Variants in ANXA8 observed in about 807,000 individuals in gnomAD.
The protein encoded by ANXA8 is VAC-beta.
In ANXA8, 9 loss-of-function variants were observed where a neutral mutation model predicts 26.8. The observed-to-expected ratio is 0.34, with a 90% confidence interval of 0.20 to 0.59. The LOEUF (loss-of-function observed/expected upper bound fraction) is 0.59, where lower values mean the gene tolerates loss of function less well. Ranked by LOEUF, ANXA8 falls within the 20% of genes least tolerant of loss-of-function variation. ANXA8 has a pLI of 0.84. For synonymous variants in ANXA8, 39 were observed against 94.8 expected (o/e 0.41, Z 3.42); for missense variants, 83 against 238.5 (o/e 0.35, Z 4.29).
chr10:47,561,974 T>G, the ANXA8 span, among the ~76,000 whole-genome samples: 1 of 151,372 alleles, frequency 6.6e-6, no homozygotes, highest in Non-Finnish European at 1.5e-5. Context: ...GAGTCAGCTA[T>G]ACAGATATCT....
the ANXA8 span, among the ~76,000 whole-genome samples, chr10:47,626,316 T>C: frequency 6.6e-6 from 1 of 150,418 alleles, no homozygotes; most frequent in East Asian, 1.9e-4. Context: ...TTCACATGAA[T>C]TGCTGTATGA....
chr10:47,697,242 C>G, the ANXA8 span, among the ~76,000 whole-genome samples: 4 of 152,256 alleles, frequency 2.6e-5, no homozygotes, highest in Admixed American at 2.6e-4. Context: ...TTTCACTTCA[C>G]TATACCTTTA....
the ANXA8 span, among the ~76,000 whole-genome samples, chr10:47,946,074 A>G: frequency 6.8e-6 from 1 of 147,828 alleles, no homozygotes; most frequent in Non-Finnish European, 1.5e-5. Context: ...CACTCCAGCC[A>G]CACTGGCCTT....
At chr10:47,637,548 G>A in the ANXA8 span, among the ~76,000 whole-genome samples, 2 of 138,630 alleles carry the variant, frequency 1.4e-5, no homozygotes, top group African/African-American at 3.0e-5. Flanking sequence ...CAACAGAAGT[G>A]TGCTTCAGAA....
At position 47,468,856 on chromosome 10, in the gene ANXA8, G is replaced by T. The variant is rs1198742778; in HGVS notation, c.975C>A (p.Ser325Arg). 24 of 1,610,684 alleles carry T rather than the reference G, an allele frequency of 1.5e-5. 1 individual carries two copies. The South Asian group carries it at 2.2e-4, about 15-fold the overall frequency. ...YKNALLSLVGSDP is the reference protein window; with the variant it reads ...YKNALLSLVGRDP The stretch of plus-strand genomic sequence containing the variant: ...CTTGTTCTTCTGTGCCTCAGGGGTC[G>T]CTGCCCACCAGGCTCAGCAGGGCGT... The change falls in exon 12 of 12, where the codon AGC (serine) becomes AGA (arginine). Residue 325 changes from serine (S) to arginine (R), a missense_variant. Ser to Arg is a moderately radical substitution (Grantham distance 110, BLOSUM62 -1). Coordinates refer to ENST00000585281, the MANE Select transcript of ANXA8 (RefSeq NM_001040084.3).
At chr10:47,654,357 A>T in the ANXA8 span, among the ~76,000 whole-genome samples, 2 of 146,084 alleles carry the variant, frequency 1.4e-5, no homozygotes, top group Non-Finnish European at 3.0e-5. Context: ...TTTCGTCAAC[A>T]TCAATGAATA....
the ANXA8 span, among the ~76,000 whole-genome samples, chr10:47,937,918 A>G: frequency 3.1e-4 from 39 of 127,784 alleles, no homozygotes; most frequent in African/African-American, 7.9e-4. Context: ...TCTTTATCCA[A>G]TCTACCATTG....
the ANXA8 span, among the ~76,000 whole-genome samples, chr10:47,528,141 A>G: frequency 7.3e-6 from 1 of 136,380 alleles, no homozygotes; most frequent in South Asian, 2.4e-4. Flanking sequence ...GTGCAGTGGC[A>G]CGATCTCGGC....
chr10:47,500,637 C>A, the ANXA8 span, among the ~76,000 whole-genome samples: 1 of 99,260 alleles, frequency 1.0e-5, no homozygotes, highest in Non-Finnish European at 1.9e-5. Context: ...AATTGTACCA[C>A]CATCTTATTC....
At chr10:47,750,748 T>C in the ANXA8 span, 23 of 148,614 alleles carry the variant, frequency 1.5e-4, no homozygotes, top group African/African-American at 5.7e-4. Context: ...TAAATCTAAA[T>C]TTTATTTTAT....
chr10:47,976,375 T>C, the ANXA8 span, among the ~76,000 whole-genome samples: 2 of 151,418 alleles, frequency 1.3e-5, no homozygotes, highest in Non-Finnish European at 3.0e-5. Context: ...TTTGCCTTAT[T>C]CGTAGTCTTC....
the ANXA8 span, among the ~76,000 whole-genome samples, chr10:47,938,075 G>A: frequency 2.5e-3 from 126 of 50,186 alleles, 1 homozygote; most frequent in African/African-American, 9.2e-3. Flanking sequence ...TGGTAGTTCC[G>A]TTTTTAGGTC....
the ANXA8 span, among the ~76,000 whole-genome samples, chr10:47,617,271 TAAA>T: frequency 6.6e-6 from 1 of 150,762 alleles, no homozygotes; most frequent in African/African-American, 2.4e-5. Context: ...TTGCTGCTAA[TAAA>T]AAAGGGAGGG....
the ANXA8 span, among the ~76,000 whole-genome samples, chr10:47,496,853 CAG>C: frequency 1.9e-4 from 27 of 145,548 alleles, no homozygotes; most frequent in Non-Finnish European, 2.7e-4. Flanking sequence ...TGCATTCCAT[CAG>C]AGTTATGGCA....
the ANXA8 span, among the ~76,000 whole-genome samples, chr10:47,560,978 A>T: frequency 6.6e-6 from 1 of 150,460 alleles, no homozygotes; most frequent in Non-Finnish European, 1.5e-5. Context: ...ACCCAACTCA[A>T]TTTTTTTTAA....
the ANXA8 span, among the ~76,000 whole-genome samples, chr10:47,948,572 G>A: frequency 1.4e-5 from 2 of 146,032 alleles, no homozygotes; most frequent in African/African-American, 5.2e-5. Context: ...AGTCAAAAGA[G>A]ACTAAAAAGA....
chr10:47,525,871 C>T, the ANXA8 span, among the ~76,000 whole-genome samples: 2 of 118,896 alleles, frequency 1.7e-5, 1 homozygote, highest in African/African-American at 6.6e-5. Flanking sequence ...ATGGCGTGAT[C>T]TTGGCTCACT....
chr10:47,690,073 T>A, the ANXA8 span: 1 of 1,054,044 alleles, frequency 9.5e-7, no homozygotes, highest in Non-Finnish European at 1.3e-6. Flanking sequence ...TATGCAAATA[T>A]GTGGATTTAA....
chr10:47,627,664 A>T, the ANXA8 span, among the ~76,000 whole-genome samples: 1 of 150,156 alleles, frequency 6.7e-6, no homozygotes, highest in South Asian at 2.1e-4. Flanking sequence ...TCTTCTGAAA[A>T]TTCCCTCATC....
Sources: gnomAD v4.1 joint callset for allele counts (sites outside exome capture counted in the v4.1 genomes callset) on GRCh38, gnomAD v4.1.1 for gene constraint, MANE v1.5 for transcripts, NCBI Gene and HGNC (gene_info 2026-07-23, HGNC 2026-07-21) for gene names.